RALGAPA1: variants seen among roughly 807,000 people sequenced by gnomAD.
The protein encoded by RALGAPA1 is ral GTPase-activating protein subunit alpha-1.
A neutral mutation model predicts 269.6 loss-of-function variants in RALGAPA1; 52 were observed. The ratio of observed to expected loss-of-function variants is 0.19; its 90% CI spans 0.15 to 0.24. RALGAPA1 has a LOEUF of 0.24. RALGAPA1 is among the 10% of genes least tolerant of loss of function. The pLI is 1.00. For missense variants in RALGAPA1, 1,917 were observed against 3,013.9 expected, an observed-to-expected ratio of 0.64 and a Z score of 8.52; for synonymous variants, 817 against 1,008.3, an observed-to-expected ratio of 0.81 and a Z score of 3.60.
intron 12 of RALGAPA1, among the ~76,000 whole-genome samples, chr14:35,730,331 A>C (rs2070359314): frequency 6.6e-6 from 1 of 152,198 alleles, no homozygotes; most frequent in Admixed American, 6.5e-5. Context: ...CACAGGGAGA[A>C]GGAAGTCTCC....
chr14:35,776,213 T>C (rs2075010582), intron 1 of RALGAPA1, among the ~76,000 whole-genome samples: 1 of 152,016 alleles, frequency 6.6e-6, no homozygotes, highest in Non-Finnish European at 1.5e-5. Context: ...AAACCTCATC[T>C]CTACTAAAAA....
chr14:35,594,864 CAGT>C, intron 37 of RALGAPA1, among the ~76,000 whole-genome samples: 1 of 151,980 alleles, frequency 6.6e-6, no homozygotes, highest in African/African-American at 2.4e-5. Flanking sequence ...ATGTTCACTG[CAGT>C]ATTATTCACA....
chr14:35,751,917 A>C (rs971829163), intron 8 of RALGAPA1, 107 bp downstream of exon 8: 13 of 1,430,098 alleles, frequency 9.1e-6, no homozygotes, highest in Non-Finnish European at 1.2e-5. Flanking sequence ...CAACCAATAC[A>C]AGTATTAAAT....
chr14:35,722,980 A>T (rs779110323), intron 15 of RALGAPA1, 47 bp downstream of exon 15: 2 of 1,199,476 alleles, frequency 1.7e-6, no homozygotes, highest in Non-Finnish European at 2.4e-6. Context: ...CCCTGACTCA[A>T]TTATTTAAAC....
chr14:35,727,481 G>A (rs1355429433), intron 13 of RALGAPA1, among the ~76,000 whole-genome samples: 1 of 151,064 alleles, frequency 6.6e-6, no homozygotes, highest in African/African-American at 2.4e-5. Flanking sequence ...TGAATTTTAT[G>A]ATAAACATTT....
At chr14:35,798,171 C>CT (rs200882004) in intron 1 of RALGAPA1, among the ~76,000 whole-genome samples, 621 of 139,862 alleles carry the variant, frequency 4.4e-3, no homozygotes, top group Non-Finnish European at 6.6e-3. Context: ...ACACGCTCGG[C>CT]TTTTTTTTTT....
At chr14:35,762,777 A>G (rs1368590987) in intron 4 of RALGAPA1, 24 bp from the exon 5 acceptor site, 2 of 1,304,386 alleles carry the variant, frequency 1.5e-6, no homozygotes, top group Admixed American at 1.7e-5. Context: ...ATGATTTTAA[A>G]TATTCACATC....
chr14:35,715,704 G>A (rs1595285254), intron 16 of RALGAPA1: 1 of 984,160 alleles, frequency 1.0e-6, no homozygotes, highest in South Asian at 4.7e-5. Context: ...AAGCATTACT[G>A]ACCTGAAATT....
intron 1 of RALGAPA1, among the ~76,000 whole-genome samples, chr14:35,805,311 G>A (rs765313434): frequency 6.0e-5 from 9 of 150,582 alleles, no homozygotes; most frequent in Admixed American, 3.3e-4. Context: ...GCTTGGTGGC[G>A]TGCGCCTGTA....
At position 35,772,779 on chromosome 14, in the gene RALGAPA1, T is replaced by C. The variant is rs972706290; in HGVS notation, c.268-1780A>G. On this transcript the variant is annotated intron_variant, in intron 3 of 41. Coordinates refer to ENST00000680220, the MANE Select transcript of RALGAPA1 (RefSeq NM_001346249.2). Reference sequence around the variant, plus strand: ...GCACTTAGGTTACAAAGCTAGAAAGTGAAAGAACAGAGGTTCCAAATTCAA... The same window carrying C: ...GCACTTAGGTTACAAAGCTAGAAAGCGAAAGAACAGAGGTTCCAAATTCAA... 2.0e-5 allele frequency among the ~76,000 whole-genome samples: 3 copies of C among 152,206 alleles called. No individual in the cohort carries two copies. The East Asian group carries it at 5.8e-4, about 29-fold the overall frequency.
intron 33 of RALGAPA1, among the ~76,000 whole-genome samples, chr14:35,628,330 G>A (rs1308308662): frequency 6.6e-6 from 1 of 152,104 alleles, no homozygotes; most frequent in Non-Finnish European, 1.5e-5. Context: ...CGGGAGGATT[G>A]CTTGAGACCA....
chr14:35,774,977 A>C, intron 3 of RALGAPA1, 29 bp downstream of exon 3: 2 of 1,401,532 alleles, frequency 1.4e-6, no homozygotes, highest in Non-Finnish European at 2.0e-6. Flanking sequence ...TTTTTGAAAA[A>C]GGGAAAAGTT....
chr14:35,628,061 C>T, intron 33 of RALGAPA1, 110 bp from the exon 34 acceptor site: 2 of 1,225,638 alleles, frequency 1.6e-6, no homozygotes, highest in Admixed American at 2.5e-5. Flanking sequence ...TTAATATTTC[C>T]AGTTTAGATT....
intron 21 of RALGAPA1, among the ~76,000 whole-genome samples, chr14:35,679,854 G>A (rs1324056588): frequency 6.6e-6 from 1 of 152,072 alleles, no homozygotes; most frequent in Non-Finnish European, 1.5e-5. Context: ...ATAATCATAT[G>A]ATAATCATAT....
intron 1 of RALGAPA1, among the ~76,000 whole-genome samples, chr14:35,779,432 G>C (rs2075285775): frequency 1.3e-5 from 2 of 152,008 alleles, no homozygotes; most frequent in Admixed American, 1.3e-4. Flanking sequence ...ACTAAGGTGA[G>C]GGAATCCCTT....
intron 37 of RALGAPA1, among the ~76,000 whole-genome samples, chr14:35,593,449 G>A (rs940212709): frequency 1.3e-5 from 2 of 151,964 alleles, no homozygotes; most frequent in African/African-American, 2.4e-5. Flanking sequence ...AAACTCCAAT[G>A]GCATTTTTCA....
chr14:35,558,442 A>G (rs1157779883), intron 39 of RALGAPA1, among the ~76,000 whole-genome samples: 1 of 152,218 alleles, frequency 6.6e-6, no homozygotes, highest in Non-Finnish European at 1.5e-5. Flanking sequence ...TAAATTATGA[A>G]GATAAAAAAT....
chr14:35,539,765 A>G, intron 41 of RALGAPA1, 75 bp from the exon 42 acceptor site: 2 of 1,565,696 alleles, frequency 1.3e-6, no homozygotes, highest in Non-Finnish European at 1.7e-6. Context: ...TCTGCTACTA[A>G]TCTGCAGCAA....
chr14:35,690,144 A>T (rs1189891309), intron 17 of RALGAPA1, 141 bp from the exon 18 acceptor site: 1 of 609,778 alleles, frequency 1.6e-6, no homozygotes, highest in Non-Finnish European at 2.6e-6. Context: ...TCAAAATACA[A>T]ATCTGCTTTT....
Sources: gnomAD v4.1 joint callset for allele counts (sites outside exome capture counted in the v4.1 genomes callset) on GRCh38, gnomAD v4.1.1 for gene constraint, MANE v1.5 for transcripts, NCBI Gene and HGNC (gene_info 2026-07-23, HGNC 2026-07-21) for gene names.